Variants in PCNX1 observed in about 807,000 individuals in gnomAD.
The protein encoded by PCNX1 is pecanex 1, also known as pecanex-like protein 1.
PCNX1 carries 78 observed loss-of-function variants against 242.2 expected under a neutral mutation model. The ratio of observed to expected loss-of-function variants is 0.32; its 90% confidence interval spans 0.27 to 0.39. The LOEUF (loss-of-function observed/expected upper bound fraction) is 0.39. PCNX1 is among the 10% of genes least tolerant of loss of function. The probability of loss-of-function intolerance (pLI) is 1.00; values close to 1 mark genes in which losing one functional copy is unlikely to be tolerated. For missense variants in PCNX1, 2,581 were observed against 2,856.5 expected (o/e 0.90, Z 2.20); for synonymous variants, 1,024 against 1,032.9 (o/e 0.99, Z 0.17).
chr14:70,991,312 C>T (rs956835561), intron 7 of PCNX1, among the ~76,000 whole-genome samples: 8 of 150,302 alleles, frequency 5.3e-5, no homozygotes, highest in African/African-American at 1.7e-4. Context: ...TCAAGCCATT[C>T]TCCTGGCTCA....
chr14:71,109,832 G>C lies in PCNX1; in HGVS notation c.6923G>C (p.Gly2308Ala), dbSNP rs768017093. Residue 2308 changes from glycine (G) to alanine (A), a missense_variant, in exon 36 of 36, where the codon GGT (glycine) becomes GCT (alanine). By Grantham distance (60) the Gly-to-Ala change is moderately conservative (BLOSUM62 0). Transcript: ENST00000304743. The stretch of plus-strand genomic sequence containing the variant: ...TGGGTGCCTTGCAGCAGAGATCCAG[G>C]TACCAGATCCCACATCGACAAGGCA... ...HRWVPCSRDP[G>A]TRSHIDKAVL... The C allele has an allele frequency of 7.4e-6, 12 of 1,613,400 alleles. No individual in the cohort carries two copies. Among genetic ancestry groups the C allele is most frequent in the Admixed American group, 1.7e-5 (1 of 59,986 alleles).
chr14:71,080,225 G>A (rs148511778), intron 28 of PCNX1, among the ~76,000 whole-genome samples: 3,851 of 152,190 alleles, frequency 0.025, 81 homozygotes, highest in Non-Finnish European at 0.038. Context: ...CTGTTCCATT[G>A]ATCTATATAT....
chr14:71,054,241 C>T (rs868212821), intron 24 of PCNX1, among the ~76,000 whole-genome samples: 5 of 152,196 alleles, frequency 3.3e-5, no homozygotes, highest in African/African-American at 2.4e-5. Context: ...CATCAAAATT[C>T]ACTCATCTGT....
At chr14:70,941,988 T>C (rs2057268597) in intron 1 of PCNX1, among the ~76,000 whole-genome samples, 1 of 152,102 alleles carries the variant, frequency 6.6e-6, no homozygotes, top group South Asian at 2.1e-4. Flanking sequence ...AAAAGCACAG[T>C]ATTAGGGTGG....
chr14:71,008,404 C>G (rs991617744), intron 8 of PCNX1, among the ~76,000 whole-genome samples: 1 of 152,042 alleles, frequency 6.6e-6, no homozygotes, highest in African/African-American at 2.4e-5. Context: ...CGCCTGTAAT[C>G]CTAGTACTTT....
chr14:71,108,756 T>G lies in PCNX1; in HGVS notation c.6454T>G (p.Ser2152Ala). Residue 2152 changes from serine to alanine, a missense_variant, in exon 34 of 36, where the codon TCT (serine) becomes GCT (alanine). Physicochemically the swap from Ser to Ala is moderately conservative, Grantham distance 99. Around this residue, in one of 9 missense-constraint regions of PCNX1, gnomAD observed 432 missense variants for 433.6 expected, o/e 1.00. Transcript: ENST00000304743. ...TTGFVPCRRS[S>A]TSQISLRNLP... ...TGGGTTTGTGCCTTGTCGGCGCTCT[T>G]CTACTAGTCAGATATCGCTTCGAAA... The G allele has an allele frequency of 2.5e-6, 4 of 1,614,264 alleles. No individual in the cohort carries two copies. Among genetic ancestry groups the G allele is most frequent in the Non-Finnish European group, 3.4e-6 (4 of 1,180,050 alleles).
At chr14:71,096,185 G>A (rs978339831) in intron 30 of PCNX1, among the ~76,000 whole-genome samples, 1 of 152,194 alleles carries the variant, frequency 6.6e-6, no homozygotes, top group African/African-American at 2.4e-5. Flanking sequence ...GGACGTGGCA[G>A]TGTGTGCCTG....
intron 7 of PCNX1, among the ~76,000 whole-genome samples, chr14:70,994,396 G>GATATATATATATGTATATATATAT (rs2059267360): frequency 1.1e-4 from 11 of 96,962 alleles, no homozygotes; most frequent in Non-Finnish European, 2.2e-4. Context: ...ACAGGCTTAA[G>GATATATATATATGTATATATATAT]ATATATATAT....
intron 16 of PCNX1, among the ~76,000 whole-genome samples, chr14:71,030,967 C>A (rs1217076526): frequency 1.3e-5 from 2 of 151,994 alleles, no homozygotes; most frequent in Admixed American, 6.6e-5. Context: ...TTATGTTTAA[C>A]AACATTATTA....
At chr14:71,053,467 AC>A in intron 24 of PCNX1, 1 of 344,356 alleles carries the variant, frequency 2.9e-6, no homozygotes, top group Non-Finnish European at 5.6e-6. Flanking sequence ...ACAGGCGCCC[AC>A]CAGCACACCT....
rs1359751892 is a variant in PCNX1, at chr14:71,110,006, G to C, written c.*71G>C. The C allele has an allele frequency of 7.5e-7, 1 of 1,334,850 alleles. No individual in the cohort carries two copies. The highest frequency in any genetic ancestry group is 1.2e-5 in the South Asian group (1 of 85,200). 82.7% of individuals were successfully genotyped at this position (1,334,850 alleles called of 1,614,324 possible). ...AGGCATTGGAAAAAGAGAGGAACAA[G>C]CAGAAGATGCCTGCAGGTATCACTT... On this transcript the variant is annotated 3_prime_UTR_variant, in exon 36 of 36. Transcript: ENST00000304743.
At chr14:70,936,461 C>T (rs1239865702) in intron 1 of PCNX1, among the ~76,000 whole-genome samples, 1 of 152,196 alleles carries the variant, frequency 6.6e-6, no homozygotes, top group Non-Finnish European at 1.5e-5. Context: ...GACATGAACT[C>T]ATCCTTTTTT....
At chr14:71,074,143 A>G (rs747945919) in intron 27 of PCNX1, among the ~76,000 whole-genome samples, 2 of 152,264 alleles carry the variant, frequency 1.3e-5, no homozygotes, top group Non-Finnish European at 2.9e-5. Flanking sequence ...TTACAAATAA[A>G]CAACTTAAGG....
At chr14:70,917,799 C>T (rs2056208917) in intron 1 of PCNX1, among the ~76,000 whole-genome samples, 1 of 152,318 alleles carries the variant, frequency 6.6e-6, no homozygotes, top group Admixed American at 6.5e-5. Flanking sequence ...ATTGACTTAA[C>T]CTTCTCTGGC....
chr14:71,035,791 A>AC (rs1296264388), intron 18 of PCNX1, among the ~76,000 whole-genome samples: 1 of 152,142 alleles, frequency 6.6e-6, no homozygotes, highest in Admixed American at 6.5e-5. Context: ...TGGTGGCACG[A>AC]CCAGCTACCT....
In PCNX1 at chr14:71,003,080, C is replaced by CTTCTTT. The variant is rs2059552913; in HGVS notation, c.2630-6552_2630-6551insCTTTTT. On this transcript the variant is annotated intron_variant, in intron 8 of 35. Transcript: ENST00000304743. ...TAAAAATCGGGTTGTTGGTTGTCTT[C>CTTCTTT]TTTTTTTTTTTTTTTTTTTTGAGAC... is the stretch of plus-strand genomic sequence containing the variant. 3.1e-5 allele frequency among the ~76,000 whole-genome samples: 3 copies of CTTCTTT among 95,474 alleles called. No individual in the cohort carries two copies. In the Admixed American group the frequency reaches 4.3e-4, roughly 14 times the overall value. The allele number at this position is 95,474 out of a possible 152,430, so 62.6% of individuals were successfully genotyped here.
At chr14:70,948,715 A>T (rs954510710) in intron 2 of PCNX1, among the ~76,000 whole-genome samples, 1 of 149,626 alleles carries the variant, frequency 6.7e-6, no homozygotes, top group African/African-American at 2.4e-5. Flanking sequence ...ACACATACAC[A>T]TAAGTGTATA....
chr14:70,976,853 C>T (rs1042815661), intron 5 of PCNX1, 89 bp from the exon 6 acceptor site: 2 of 1,083,244 alleles, frequency 1.8e-6, no homozygotes, highest in Admixed American at 2.2e-5. Flanking sequence ...ACTTGATTTA[C>T]TGTATGCAGT....
At position 71,113,094 on chromosome 14, in the gene PCNX1, A is replaced by G. The variant is rs189591365; in HGVS notation, c.*3159A>G. On this transcript the variant is annotated 3_prime_UTR_variant, in exon 36 of 36. Coordinates refer to ENST00000304743, the MANE Select transcript of PCNX1 (RefSeq NM_014982.3). The stretch of plus-strand genomic sequence containing the variant: ...AATTTTTCCAAGAATCTAGATTAAC[A>G]TAAGATGTTGATATTTAAGGAACTT... 3 of 152,320 alleles carry G rather than the reference A, an allele frequency of 2.0e-5. No homozygotes were observed. Among genetic ancestry groups the G allele is most frequent in the Admixed American group, 6.5e-5 (1 of 15,300 alleles). 9.4% of individuals were successfully genotyped at this position (152,320 alleles called of 1,614,324 possible). A position where few individuals can be genotyped will look rare whatever the true frequency, so the allele number is the denominator to read the frequency against.
Sources: allele counts gnomAD v4.1 joint callset (sites outside exome capture counted in the v4.1 genomes callset), GRCh38; gene constraint gnomAD v4.1.1; regional missense constraint gnomAD v4.1.1; transcripts MANE v1.5; gene names NCBI Gene and HGNC (gene_info 2026-07-23, HGNC 2026-07-21).